RIPOR3: variants seen among roughly 807,000 people sequenced by gnomAD.
RIPOR3 encodes the protein RIPOR family member 3, also known as family with sequence similarity 65 member C.
In RIPOR3, 95 loss-of-function variants were observed where a neutral mutation model predicts 114.3. That is an observed-to-expected ratio of 0.83 (90% CI 0.70 to 0.99). The LOEUF (loss-of-function observed/expected upper bound fraction) is 0.99. Ranked by LOEUF, RIPOR3 falls within the 50% of genes least tolerant of loss-of-function variation. RIPOR3 has a pLI of 0.00. For synonymous variants in RIPOR3, 575 were observed against 543.8 expected (o/e 1.06, Z -0.80); for missense variants, 1,252 against 1,266.9 (o/e 0.99, Z 0.18).
intron 11 of RIPOR3, among the ~76,000 whole-genome samples, chr20:50,607,476 C>T (rs1193775069): frequency 1.3e-5 from 2 of 152,162 alleles, no homozygotes; most frequent in Non-Finnish European, 2.9e-5. Flanking sequence ...GCTCGTGGCA[C>T]CTGGGCCTGG....
rs376080684 is a variant in RIPOR3, at chr20:50,596,226, C to T, written c.1828G>A (p.Ala610Thr). ...RPLPPPSSLK[A>T]SSRELTAGAP... ...CCGGCTGTGAGTTCCCTGGATGACGCTTTCAGTGATGACGGTGGGGGCAGG... is the reference window on the plus strand; with the variant it reads ...CCGGCTGTGAGTTCCCTGGATGACGTTTTCAGTGATGACGGTGGGGGCAGG... The change falls in exon 15 of 22, where the codon GCG becomes ACG. Residue 610 changes from alanine to threonine, a missense_variant. Transcript: ENST00000327979. 48 of 1,614,068 alleles carry T rather than the reference C, an allele frequency of 3.0e-5. No individual in the cohort carries two copies. The African/African-American group carries it at 5.7e-4, about 19-fold the overall frequency.
intron 19 of RIPOR3, among the ~76,000 whole-genome samples, chr20:50,591,513 G>A (rs2083107063): frequency 6.6e-6 from 1 of 152,154 alleles, no homozygotes. Context: ...TCCAAATAAA[G>A]AGTTAAAAAC....
At chr20:50,656,398 A>G (rs370435772) in intron 1 of RIPOR3, among the ~76,000 whole-genome samples, 3 of 152,198 alleles carry the variant, frequency 2.0e-5, no homozygotes, top group South Asian at 4.1e-4. Flanking sequence ...AGTAAACAAG[A>G]GAAAGTATAT....
At chr20:50,600,672 A>T (rs2083462497) in intron 13 of RIPOR3, among the ~76,000 whole-genome samples, 1 of 152,080 alleles carries the variant, frequency 6.6e-6, no homozygotes, top group African/African-American at 2.4e-5. Context: ...AGGGGGGAGG[A>T]TCGTGTGATC....
chr20:50,668,187 T>G (rs111932788), intron 1 of RIPOR3, among the ~76,000 whole-genome samples: 1 of 152,156 alleles, frequency 6.6e-6, no homozygotes, highest in Non-Finnish European at 1.5e-5. Flanking sequence ...AGATCTCTTT[T>G]TCGCTGTGCA....
intron 2 of RIPOR3, 27 bp downstream of exon 2, chr20:50,630,711 C>T (rs1483873633): frequency 2.5e-6 from 4 of 1,568,912 alleles, no homozygotes; most frequent in Non-Finnish European, 3.5e-6. Context: ...CCCCTGCACC[C>T]CGAAACAGGA....
chr20:50,689,172 C>CTTTTT (rs71964773), intron 1 of RIPOR3, among the ~76,000 whole-genome samples: 1 of 88,822 alleles, frequency 1.1e-5, no homozygotes, highest in Non-Finnish European at 2.4e-5. Flanking sequence ...CTCCAAACTT[C>CTTTTT]TTTTTTTTTT....
chr20:50,686,527 T>C (rs35137629), intron 1 of RIPOR3, among the ~76,000 whole-genome samples: 20 of 151,712 alleles, frequency 1.3e-4, no homozygotes, highest in Non-Finnish European at 2.2e-4. Context: ...CGCGGGTAGA[T>C]CACCTGAGGT....
At chr20:50,637,334 C>G (rs1003522738) in intron 1 of RIPOR3, among the ~76,000 whole-genome samples, 2 of 152,130 alleles carry the variant, frequency 1.3e-5, no homozygotes, top group African/African-American at 2.4e-5. Context: ...CTGCCTGGCA[C>G]ACGCCTCCCT....
intron 1 of RIPOR3, among the ~76,000 whole-genome samples, chr20:50,638,279 C>T (rs544618506): frequency 3.3e-5 from 5 of 152,324 alleles, no homozygotes; most frequent in African/African-American, 7.2e-5. Context: ...GTGTCCCCTG[C>T]GCTCCACTGT....
intron 1 of RIPOR3, among the ~76,000 whole-genome samples, chr20:50,650,921 C>T (rs965872393): frequency 9.2e-5 from 14 of 152,016 alleles, no homozygotes; most frequent in South Asian, 4.2e-4. Context: ...GGGAGATTAG[C>T]CTGGGTGGGC....
chr20:50,625,070 GTT>G (rs11482142), intron 2 of RIPOR3, among the ~76,000 whole-genome samples: 1 of 136,742 alleles, frequency 7.3e-6, no homozygotes, highest in African/African-American at 3.0e-5. Context: ...CAGTGCTTTT[GTT>G]TTTTTTTTTT....
chr20:50,658,133 A>G (rs953004411), intron 1 of RIPOR3, among the ~76,000 whole-genome samples: 24 of 152,166 alleles, frequency 1.6e-4, no homozygotes, highest in African/African-American at 5.1e-4. Flanking sequence ...ACTCTAACAA[A>G]TATTTGTACA....
At chr20:50,594,481 C>A in intron 17 of RIPOR3, 72 bp downstream of exon 17, 1 of 1,537,120 alleles carries the variant, frequency 6.5e-7, no homozygotes. Flanking sequence ...CCAGCTGTGG[C>A]CACCCTGAAG....
At chr20:50,621,880 G>T (rs113586701) in intron 2 of RIPOR3, among the ~76,000 whole-genome samples, 1,858 of 152,280 alleles carry the variant, frequency 0.012, 36 homozygotes, top group African/African-American at 0.039. Context: ...TGATGGCTGG[G>T]TCCCTCAACA....
chr20:50,616,212 C>T (rs2084167869), intron 3 of RIPOR3, 132 bp from the exon 4 acceptor site: 3 of 821,874 alleles, frequency 3.7e-6, no homozygotes, highest in African/African-American at 1.7e-5. Flanking sequence ...AGGTAGGAAG[C>T]CAGGCTCCCT....
intron 1 of RIPOR3, among the ~76,000 whole-genome samples, chr20:50,673,076 G>T (rs1324989807): frequency 6.6e-6 from 1 of 152,226 alleles, no homozygotes; most frequent in Non-Finnish European, 1.5e-5. Context: ...GCAGGTCCAG[G>T]AGAAGGCTCC....
chr20:50,628,734 G>A (rs1224791651), intron 2 of RIPOR3, among the ~76,000 whole-genome samples: 1 of 152,194 alleles, frequency 6.6e-6, no homozygotes, highest in African/African-American at 2.4e-5. Context: ...CAGAGCCCAG[G>A]ACAGGGCCAG....
intron 1 of RIPOR3, among the ~76,000 whole-genome samples, chr20:50,631,783 A>G (rs2084830697): frequency 6.6e-6 from 1 of 152,246 alleles, no homozygotes. Flanking sequence ...AGATTGAGAA[A>G]ATGCCACCCT....
Sources: allele counts gnomAD v4.1 joint callset (sites outside exome capture counted in the v4.1 genomes callset), GRCh38; gene constraint gnomAD v4.1.1; transcripts MANE v1.5; gene names NCBI Gene and HGNC (gene_info 2026-07-23, HGNC 2026-07-21).